GNA14: variants seen among roughly 807,000 people sequenced by gnomAD.
GNA14 encodes guanine nucleotide-binding protein subunit alpha-14.
GNA14 carries 50 observed loss-of-function variants against 42.0 expected under a neutral mutation model. That is an observed-to-expected ratio of 1.19 (90% CI 0.95 to 1.51). The LOEUF (loss-of-function observed/expected upper bound fraction) is 1.51, where lower values mean the gene tolerates loss of function less well. GNA14 is among the 40% of genes most tolerant of loss of function. The probability of loss-of-function intolerance (pLI) is 0.00; values close to 1 mark genes in which losing one functional copy is unlikely to be tolerated. For missense variants in GNA14, 473 were observed against 446.2 expected, an observed-to-expected ratio of 1.06 and a Z score of -0.54; for synonymous variants, 173 against 163.1, an observed-to-expected ratio of 1.06 and a Z score of -0.46.
At chr9:77,528,656 T>C (rs1302141717) in intron 2 of GNA14, among the ~76,000 whole-genome samples, 1 of 152,166 alleles carries the variant, frequency 6.6e-6, no homozygotes, top group African/African-American at 2.4e-5. Flanking sequence ...ATTCTCTGAG[T>C]AGTCTGCAGC....
Position 77,481,857 on chromosome 9 carries a change from G to C in GNA14, c.309+47212C>G, listed in dbSNP as rs1836558286. Among the ~76,000 whole-genome samples, 5 of 152,076 alleles carry C rather than the reference G, an allele frequency of 3.3e-5. No homozygotes were observed. In the South Asian group the frequency reaches 1.0e-3, roughly 31 times the overall value. ...TTGGTTTAAAGTCTGTTTTATCAGA[G>C]ACTAGGATTGCAACTCCTGCCTTTT... On this transcript the variant is annotated intron_variant, in intron 2 of 6. Transcript: ENST00000341700.
chr9:77,640,275 A>T (rs1012608807), intron 1 of GNA14, among the ~76,000 whole-genome samples: 5 of 152,212 alleles, frequency 3.3e-5, no homozygotes, highest in Admixed American at 1.3e-4. Context: ...AGTCCTTCCG[A>T]TAAATGATTG....
chr9:77,437,034 C>A (rs964876317), intron 2 of GNA14, among the ~76,000 whole-genome samples: 2 of 150,414 alleles, frequency 1.3e-5, no homozygotes, highest in Non-Finnish European at 3.0e-5. Context: ...AACTTGGGCC[C>A]TGGTGGCCCT....
chr9:77,521,907 A>G (rs1837363115), intron 2 of GNA14, among the ~76,000 whole-genome samples: 1 of 152,156 alleles, frequency 6.6e-6, no homozygotes, highest in South Asian at 2.1e-4. Context: ...ATCTTGGCTC[A>G]CTGCAACCTC....
At position 77,428,817 on chromosome 9, in the gene GNA14, G is replaced by T; in HGVS notation, c.723+90C>A. The T allele has an allele frequency of 1.6e-6, 2 of 1,284,034 alleles. 1 individual carries two copies. The highest frequency in any genetic ancestry group is 2.7e-5 in the South Asian group (2 of 73,498). 79.5% of individuals were successfully genotyped at this position (1,284,034 alleles called of 1,614,324 possible). ...TAGCAAGACTGTTTGACCTAATGAC[G>T]AGGGTCTATTTCCTGACCCGGCTGC... On this transcript the variant is annotated intron_variant, in intron 5 of 6. Coordinates refer to ENST00000341700, the MANE Select transcript of GNA14 (RefSeq NM_004297.4).
intron 5 of GNA14, among the ~76,000 whole-genome samples, chr9:77,428,083 C>CTTT (rs975674188): frequency 8.7e-6 from 1 of 114,694 alleles, no homozygotes; most frequent in Non-Finnish European, 1.9e-5. Flanking sequence ...TTTTTTTTTT[C>CTTT]TTTTTTTTTT....
At chr9:77,450,573 A>C (rs1835887450) in intron 2 of GNA14, among the ~76,000 whole-genome samples, 1 of 151,990 alleles carries the variant, frequency 6.6e-6, no homozygotes, top group East Asian at 1.9e-4. Flanking sequence ...GCAGCAAAAA[A>C]AATCTAAGTC....
chr9:77,444,018 G>T (rs757873560), intron 2 of GNA14, among the ~76,000 whole-genome samples: 1 of 152,072 alleles, frequency 6.6e-6, no homozygotes, highest in South Asian at 2.1e-4. Context: ...CACTAAAAAG[G>T]CTCTTTCCAA....
chr9:77,535,005 G>A (rs983322997), intron 1 of GNA14, among the ~76,000 whole-genome samples: 1 of 152,178 alleles, frequency 6.6e-6, no homozygotes, highest in African/African-American at 2.4e-5. Context: ...ACACTGGGAG[G>A]CTCAGGTTCC....
At chr9:77,487,624 C>T (rs1189549727) in intron 2 of GNA14, among the ~76,000 whole-genome samples, 1 of 152,188 alleles carries the variant, frequency 6.6e-6, no homozygotes, top group Non-Finnish European at 1.5e-5. Flanking sequence ...CACAGATAGG[C>T]ACTACTGAGT....
intron 1 of GNA14, among the ~76,000 whole-genome samples, chr9:77,632,435 G>A (rs909261577): frequency 6.6e-6 from 1 of 152,168 alleles, no homozygotes; most frequent in Non-Finnish European, 1.5e-5. Flanking sequence ...GCCACCCATG[G>A]ACCAATCGGT....
At chr9:77,613,550 T>C (rs2117950701) in intron 1 of GNA14, among the ~76,000 whole-genome samples, 1 of 152,348 alleles carries the variant, frequency 6.6e-6, no homozygotes, top group East Asian at 1.9e-4. Flanking sequence ...TTATCTCTAA[T>C]AATAACAAAA....
chr9:77,553,015 C>G (rs1837804427), intron 1 of GNA14, among the ~76,000 whole-genome samples: 1 of 152,166 alleles, frequency 6.6e-6, no homozygotes, highest in African/African-American at 2.4e-5. Context: ...ACTCCATTTA[C>G]CTAATGGTGA....
At chr9:77,480,159 C>T (rs1836517382) in intron 2 of GNA14, among the ~76,000 whole-genome samples, 1 of 152,090 alleles carries the variant, frequency 6.6e-6, no homozygotes, top group Non-Finnish European at 1.5e-5. Context: ...CCAGTTTTTG[C>T]CCATTCAGTA....
intron 1 of GNA14, among the ~76,000 whole-genome samples, chr9:77,605,188 C>T (rs982289876): frequency 6.6e-6 from 1 of 152,220 alleles, no homozygotes; most frequent in Non-Finnish European, 1.5e-5. Context: ...AGCAGTGCTT[C>T]TTTATTGTCC....
At chr9:77,634,012 G>C (rs752752791) in intron 1 of GNA14, among the ~76,000 whole-genome samples, 6 of 152,198 alleles carry the variant, frequency 3.9e-5, no homozygotes, top group Non-Finnish European at 8.8e-5. Context: ...CTCGATTCTG[G>C]TGAGCCAACT....
At chr9:77,449,694 A>G (rs1587767717) in intron 2 of GNA14, among the ~76,000 whole-genome samples, 2 of 152,156 alleles carry the variant, frequency 1.3e-5, no homozygotes, top group African/African-American at 2.4e-5. Flanking sequence ...TTCTCCCCCA[A>G]TTCCCTGTCA....
intron 1 of GNA14, among the ~76,000 whole-genome samples, chr9:77,607,989 A>T (rs940196735): frequency 1.3e-5 from 2 of 152,196 alleles, no homozygotes; most frequent in Non-Finnish European, 2.9e-5. Context: ...GGGAACATTC[A>T]GGCCATAATA....
rs371955965 is a variant in GNA14, at chr9:77,529,246, A to G, written c.132T>C (p.Gly44=). Residue 44 remains glycine (G), a synonymous_variant, in exon 2 of 7, where the codon GGT becomes GGC. Coordinates refer to ENST00000341700, the MANE Select transcript of GNA14 (RefSeq NM_004297.4). ...RELKLLLLGT[G]ESGKSTFIKQ... is the part of the protein sequence containing the mutation. Reference sequence around the variant, plus strand: ...TGATAAAGGTGCTTTTCCCACTTTCACCAGTTCCTATAAGACAAAACAAGT... The same window carrying G: ...TGATAAAGGTGCTTTTCCCACTTTCGCCAGTTCCTATAAGACAAAACAAGT... 2 of 1,613,384 alleles carry G rather than the reference A, an allele frequency of 1.2e-6. No individual in the cohort carries two copies. The highest frequency in any genetic ancestry group is 1.3e-5 in the African/African-American group (1 of 74,872).
Sources: gnomAD v4.1 joint callset for allele counts (sites outside exome capture counted in the v4.1 genomes callset) on GRCh38, gnomAD v4.1.1 for gene constraint, MANE v1.5 for transcripts, NCBI Gene and HGNC (gene_info 2026-07-23, HGNC 2026-07-21) for gene names.